The following CNTN5 variants were observed in gnomAD, a reference collection of about 807,000 sequenced individuals.
The protein encoded by CNTN5 is contactin 5, also known as contactin-5.
CNTN5 carries 77 observed loss-of-function variants against 129.1 expected under a neutral mutation model. The ratio of observed to expected loss-of-function variants is 0.60; its 90% CI spans 0.50 to 0.72. The LOEUF (loss-of-function observed/expected upper bound fraction) is 0.72. Among genes scored for constraint, CNTN5 ranks in the 30% least tolerant of loss-of-function variants. CNTN5 has a pLI of 0.00. For missense variants in CNTN5, 1,478 were observed against 1,328.8 expected (o/e 1.11, Z -1.75); for synonymous variants, 509 against 465.6 (o/e 1.09, Z -1.20).
chr11:99,355,962 G>C (rs1938632588), intron 2 of CNTN5, among the ~76,000 whole-genome samples: 1 of 151,918 alleles, frequency 6.6e-6, no homozygotes. Context: ...AAGTAGCTGG[G>C]ACTACATGTG....
chr11:99,231,995 T>C (rs1861024447), intron 1 of CNTN5, among the ~76,000 whole-genome samples: 1 of 152,172 alleles, frequency 6.6e-6, no homozygotes, highest in South Asian at 2.1e-4. Flanking sequence ...TCTATTTTGT[T>C]AAATTGGTCT....
chr11:99,074,987 T>C (rs1416821795), intron 1 of CNTN5, among the ~76,000 whole-genome samples: 1 of 152,200 alleles, frequency 6.6e-6, no homozygotes, highest in Non-Finnish European at 1.5e-5. Context: ...CATAATATGA[T>C]GTATACATAA....
intron 3 of CNTN5, among the ~76,000 whole-genome samples, chr11:99,749,475 A>G (rs887815419): frequency 2.8e-4 from 42 of 152,242 alleles, no homozygotes; most frequent in African/African-American, 9.4e-4. Flanking sequence ...ATTATCTGGC[A>G]TTGAAATATT....
chr11:99,599,903 A>G (rs980990550), intron 3 of CNTN5, among the ~76,000 whole-genome samples: 3 of 152,168 alleles, frequency 2.0e-5, no homozygotes, highest in Non-Finnish European at 4.4e-5. Flanking sequence ...ATTATACATA[A>G]AAGCTATAGG....
intron 18 of CNTN5, among the ~76,000 whole-genome samples, chr11:100,285,871 G>A (rs1950772157): frequency 6.6e-6 from 1 of 152,206 alleles, no homozygotes; most frequent in Non-Finnish European, 1.5e-5. Context: ...GGGAGTGCCA[G>A]ACAGTGGGCG....
intron 8 of CNTN5, among the ~76,000 whole-genome samples, chr11:99,966,950 A>G (rs1050365311): frequency 1.3e-5 from 2 of 152,160 alleles, no homozygotes; most frequent in African/African-American, 4.8e-5. Context: ...ATTACTGTAC[A>G]AAATGCTGTG....
At chr11:100,132,773 G>T (rs1054269135) in intron 13 of CNTN5, among the ~76,000 whole-genome samples, 3 of 152,022 alleles carry the variant, frequency 2.0e-5, no homozygotes, top group African/African-American at 7.2e-5. Context: ...TGCACCAAAG[G>T]TTCTAATAAT....
intron 21 of CNTN5, among the ~76,000 whole-genome samples, chr11:100,314,724 C>T (rs1438087955): frequency 6.6e-6 from 1 of 152,064 alleles, no homozygotes; most frequent in Non-Finnish European, 1.5e-5. Flanking sequence ...GGCCTTAAAT[C>T]TCTAACAGCC....
intron 6 of CNTN5, among the ~76,000 whole-genome samples, chr11:99,875,313 G>C (rs1474339614): frequency 6.6e-6 from 1 of 150,394 alleles, no homozygotes; most frequent in Non-Finnish European, 1.5e-5. Flanking sequence ...TTCATACGTT[G>C]GTATGATTTT....
In CNTN5 at chr11:100,099,119, G is replaced by T. The variant is rs1468195717; in HGVS notation, c.1580+24825G>T. The stretch of plus-strand genomic sequence containing the variant: ...TGTAAACAATTTACAAATTACTGAA[G>T]AATTTCTACAGAAAATTCATTTTAA... On this transcript the variant is annotated intron_variant, in intron 13 of 24. Coordinates refer to ENST00000524871, the MANE Select transcript of CNTN5 (RefSeq NM_014361.4). 3.9e-5 allele frequency among the ~76,000 whole-genome samples: 6 copies of T among 152,140 alleles called. No individual in the cohort carries two copies. In the East Asian group the frequency reaches 1.2e-3, roughly 29 times the overall value.
At chr11:99,494,185 A>C (rs1946140569) in intron 2 of CNTN5, among the ~76,000 whole-genome samples, 1 of 152,150 alleles carries the variant, frequency 6.6e-6, no homozygotes, top group South Asian at 2.1e-4. Flanking sequence ...TAATCGACCA[A>C]ATTTAGAAGT....
chr11:99,896,721 G>T (rs978672971), intron 6 of CNTN5, among the ~76,000 whole-genome samples: 1 of 152,150 alleles, frequency 6.6e-6, no homozygotes, highest in African/African-American at 2.4e-5. Context: ...ACCTTTGCAT[G>T]CTTCAAACAA....
intron 8 of CNTN5, among the ~76,000 whole-genome samples, chr11:99,983,411 A>G (rs2137370834): frequency 6.6e-6 from 1 of 152,324 alleles, no homozygotes; most frequent in East Asian, 1.9e-4. Context: ...CAAGAGAAGT[A>G]AAATCCAAAT....
rs74496632 is a variant in CNTN5 at position 99,346,240 on chromosome 11, C to T, written c.-71+20756C>T. Among the ~76,000 whole-genome samples, 1,481 of 152,196 alleles carry T rather than the reference C, an allele frequency of 9.7e-3. 18 individuals carry two copies. Among genetic ancestry groups the T allele is most frequent in the Non-Finnish European group, 0.014 (925 of 68,000 alleles). ...TGCTGAGAGGCAAGCAATAATTCTG[C>T]TTAATTGATGATGATCAACAATCGA... is the stretch of plus-strand genomic sequence containing the variant. On this transcript the variant is annotated intron_variant, in intron 2 of 24. Coordinates refer to ENST00000524871, the MANE Select transcript of CNTN5 (RefSeq NM_014361.4).
chr11:100,026,700 G>A lies in CNTN5; in HGVS notation c.980+24564G>A, dbSNP rs145741314. Reference sequence around the variant, plus strand: ...ATATTCTTTACTGAGGTCTCTTTAAGGTTTTTGGCCCATTTTTTTAGTCAG... The same window carrying A: ...ATATTCTTTACTGAGGTCTCTTTAAAGTTTTTGGCCCATTTTTTTAGTCAG... On this transcript the variant is annotated intron_variant, in intron 9 of 24. Transcript: ENST00000524871. Among the ~76,000 whole-genome samples, 79 of 152,052 alleles carry A rather than the reference G, an allele frequency of 5.2e-4. 1 individual carries two copies. Among genetic ancestry groups the A allele is most frequent in the Middle Eastern group, 3.4e-3 (1 of 294 alleles).
chr11:99,726,655 T>C (rs1691543116), intron 3 of CNTN5, among the ~76,000 whole-genome samples: 1 of 152,206 alleles, frequency 6.6e-6, no homozygotes, highest in Non-Finnish European at 1.5e-5. Flanking sequence ...CCATTTTACA[T>C]ATGACAATTC....
At chr11:100,285,491 T>C (rs1226931962) in intron 18 of CNTN5, among the ~76,000 whole-genome samples, 4 of 152,210 alleles carry the variant, frequency 2.6e-5, no homozygotes, top group African/African-American at 9.6e-5. Context: ...CTTCCCATGA[T>C]GCCTTTTCAT....
At chr11:99,997,305 T>G (rs1312780014) in intron 8 of CNTN5, among the ~76,000 whole-genome samples, 5 of 152,180 alleles carry the variant, frequency 3.3e-5, no homozygotes, top group African/African-American at 4.8e-5. Context: ...GCTCTTGCTT[T>G]TCTAGTTATT....
At chr11:99,391,876 C>T (rs1337157948) in intron 2 of CNTN5, among the ~76,000 whole-genome samples, 1 of 151,890 alleles carries the variant, frequency 6.6e-6, no homozygotes, top group Admixed American at 6.6e-5. Flanking sequence ...TAATCATATG[C>T]TGATTACCTG....
Sources: allele counts gnomAD v4.1 joint callset (sites outside exome capture counted in the v4.1 genomes callset), GRCh38; gene constraint gnomAD v4.1.1; transcripts MANE v1.5; gene names NCBI Gene and HGNC (gene_info 2026-07-23, HGNC 2026-07-21).